The following TTC28 variants were observed in gnomAD, a reference collection of about 807,000 sequenced individuals.
The protein encoded by TTC28 is tetratricopeptide repeat domain 28, also known as tetratricopeptide repeat protein 28.
A neutral mutation model predicts 198.0 loss-of-function variants in TTC28; 61 were observed. The ratio of observed to expected loss-of-function variants is 0.31; its 90% CI spans 0.25 to 0.38. The LOEUF (loss-of-function observed/expected upper bound fraction) is 0.38, where lower values mean the gene tolerates loss of function less well. Among genes scored for constraint, TTC28 ranks in the 10% least tolerant of loss-of-function variants. TTC28 has a pLI of 1.00. For synonymous variants in TTC28, 1,171 were observed against 1,297.8 expected (o/e 0.90, Z 2.10); for missense variants, 2,678 against 3,164.0 (o/e 0.85, Z 3.69).
chr22:28,167,324 G>C (rs919912854), intron 5 of TTC28, among the ~76,000 whole-genome samples: 1 of 152,216 alleles, frequency 6.6e-6, no homozygotes, highest in African/African-American at 2.4e-5. Context: ...CTCATCTTAT[G>C]AGGCCAGCAT....
At chr22:28,471,361 A>C (rs2048094523) in intron 2 of TTC28, among the ~76,000 whole-genome samples, 1 of 152,178 alleles carries the variant, frequency 6.6e-6, no homozygotes, top group Non-Finnish European at 1.5e-5. Context: ...GTATAATAAA[A>C]ACCTAATCCA....
At chr22:28,397,609 C>A (rs776477002) in intron 2 of TTC28, among the ~76,000 whole-genome samples, 1 of 152,108 alleles carries the variant, frequency 6.6e-6, no homozygotes, top group Non-Finnish European at 1.5e-5. Flanking sequence ...CTCTGTAATT[C>A]GACTGAACCA....
At chr22:28,032,190 A>AATATATATATATAAAATATAT (rs1331681080) in intron 12 of TTC28, among the ~76,000 whole-genome samples, 2 of 72,978 alleles carry the variant, frequency 2.7e-5, no homozygotes, top group African/African-American at 1.3e-4. Flanking sequence ...ATATATATAA[A>AATATATATATATAAAATATAT]ATATATATAT....
Position 27,990,847 on chromosome 22 carries a change from G to A in TTC28, c.5554-35C>T, listed in dbSNP as rs1043495773. The A allele has an allele frequency of 3.9e-6, 6 of 1,543,160 alleles. No individual in the cohort carries two copies. The African/African-American group carries it at 6.9e-5, about 18-fold the overall frequency. On this transcript the variant is annotated intron_variant, in intron 19 of 22. Transcript: ENST00000397906. ...GCAGATTATAAGAAAAAGAAAGAAAGAGAGAAAGAAGAGAGTTTAGACTCA... is the reference window on the plus strand; with the variant it reads ...GCAGATTATAAGAAAAAGAAAGAAAAAGAGAAAGAAGAGAGTTTAGACTCA...
Position 27,999,194 on chromosome 22 carries a change from G to T in TTC28, c.4465C>A (p.Pro1489Thr). 1 of 1,550,978 alleles carries T rather than the reference G, an allele frequency of 6.4e-7. No individual in the cohort carries two copies. Residue 1489 changes from proline (P) to threonine (T), a missense_variant, in exon 16 of 23, where the codon CCC becomes ACC. This residue lies in a region of TTC28 where 727 missense variants were observed against 861.9 expected (regional missense o/e 0.84). Transcript: ENST00000397906. ...STSMAAVIGNPKLPSAVMDRW... is the reference protein window; with the variant it reads ...STSMAAVIGNTKLPSAVMDRW... ...TCCATCACGGCCGATGGTAGCTTGG[G>T]GTTGCCGATGACAGCCGCCATGGAT...
Position 28,347,597 on chromosome 22 carries a change from T to C in TTC28, c.382-40954A>G, listed in dbSNP as rs1601668183. Among the ~76,000 whole-genome samples the C allele has an allele frequency of 2.6e-5, 4 of 152,216 alleles. No homozygotes were observed. The South Asian group carries it at 8.3e-4, about 32-fold the overall frequency. ...GTAGAAAGAATAGCACCTGGCTGAG[T>C]GCAGTGGCTCATGCCTGTAATCCCA... is the stretch of plus-strand genomic sequence containing the variant. On this transcript the variant is annotated intron_variant, in intron 2 of 22. Coordinates refer to ENST00000397906, the MANE Select transcript of TTC28 (RefSeq NM_001145418.2).
chr22:28,006,906 A>G (rs1937951556), intron 14 of TTC28: 1 of 152,168 alleles, frequency 6.6e-6, no homozygotes, highest in Non-Finnish European at 1.5e-5. Flanking sequence ...CGTATCGCCA[A>G]GGTTAGAGGA....
intron 2 of TTC28, among the ~76,000 whole-genome samples, chr22:28,467,658 T>C (rs1294592847): frequency 1.3e-5 from 2 of 152,214 alleles, no homozygotes; most frequent in African/African-American, 4.8e-5. Context: ...ATATTAGGAA[T>C]TGTACATGAC....
At chr22:28,221,059 G>C (rs980325489) in intron 5 of TTC28, among the ~76,000 whole-genome samples, 5 of 152,134 alleles carry the variant, frequency 3.3e-5, no homozygotes, top group African/African-American at 1.2e-4. Context: ...AATTAACAGG[G>C]ACTCACAACG....
chr22:28,264,499 T>G (rs1931545628), intron 5 of TTC28, among the ~76,000 whole-genome samples: 2 of 152,174 alleles, frequency 1.3e-5, no homozygotes, highest in African/African-American at 2.4e-5. Flanking sequence ...CAGGAGAAGA[T>G]GATGAGGGTG....
At chr22:28,446,242 T>C (rs1164156161) in intron 2 of TTC28, among the ~76,000 whole-genome samples, 2 of 151,722 alleles carry the variant, frequency 1.3e-5, no homozygotes, top group Admixed American at 1.3e-4. Context: ...AAATACTCAA[T>C]ATTTTTTAAG....
chr22:28,216,527 A>C (rs1323318798), intron 5 of TTC28, among the ~76,000 whole-genome samples: 1 of 152,148 alleles, frequency 6.6e-6, no homozygotes. Flanking sequence ...CATCTTTGCT[A>C]CACGTAATTC....
At chr22:28,061,081 T>C (rs995177663) in intron 12 of TTC28, among the ~76,000 whole-genome samples, 1 of 152,234 alleles carries the variant, frequency 6.6e-6, no homozygotes, top group Non-Finnish European at 1.5e-5. Context: ...GATTTTTTTC[T>C]TGTAAATTTA....
chr22:28,593,480 G>A (rs1372298934), intron 2 of TTC28, among the ~76,000 whole-genome samples: 1 of 142,644 alleles, frequency 7.0e-6, no homozygotes, highest in Non-Finnish European at 1.5e-5. Flanking sequence ...TAGGTAGGTA[G>A]GTAGGTAGGT....
chr22:28,638,839 A>G (rs1263761419), intron 1 of TTC28, among the ~76,000 whole-genome samples: 2 of 152,152 alleles, frequency 1.3e-5, no homozygotes, highest in Non-Finnish European at 2.9e-5. Flanking sequence ...ACATTCATAC[A>G]TTATTGGTAG....
At position 28,531,594 on chromosome 22, in the gene TTC28, A is replaced by C. The variant is rs140011743; in HGVS notation, c.381+97958T>G. Among the ~76,000 whole-genome samples, 950 of 152,326 alleles carry C rather than the reference A, an allele frequency of 6.2e-3. 12 individuals carry two copies. Among genetic ancestry groups the C allele is most frequent in the Admixed American group, 0.029 (450 of 15,304 alleles). The stretch of plus-strand genomic sequence containing the variant: ...TCTACAGAACTCTCCACCCCAAATC[A>C]ACAGAATATACATTCTTCTCAGCAC... On this transcript the variant is annotated intron_variant, in intron 2 of 22. Transcript: ENST00000397906.
intron 2 of TTC28, among the ~76,000 whole-genome samples, chr22:28,453,869 C>T (rs1179090309): frequency 6.6e-6 from 1 of 152,150 alleles, no homozygotes; most frequent in Non-Finnish European, 1.5e-5. Context: ...TTAAGGCTTC[C>T]CTTTGCACAA....
At chr22:28,133,153 T>C (rs145067041) in intron 6 of TTC28, among the ~76,000 whole-genome samples, 3 of 152,240 alleles carry the variant, frequency 2.0e-5, no homozygotes, top group Non-Finnish European at 2.9e-5. Flanking sequence ...AAACCAGAAG[T>C]TGGAGGTTGC....
At chr22:28,582,990 C>A (rs903190827) in intron 2 of TTC28, among the ~76,000 whole-genome samples, 4 of 151,588 alleles carry the variant, frequency 2.6e-5, no homozygotes, top group African/African-American at 9.7e-5. Context: ...TGATCAACAG[C>A]TGGACTTGAT....
Sources: allele counts gnomAD v4.1 joint callset (sites outside exome capture counted in the v4.1 genomes callset), GRCh38; gene constraint gnomAD v4.1.1; regional missense constraint gnomAD v4.1.1; transcripts MANE v1.5; gene names NCBI Gene and HGNC (gene_info 2026-07-23, HGNC 2026-07-21).